The following ITPR2 variants were observed in gnomAD, a reference collection of about 807,000 sequenced individuals.
ITPR2 encodes inositol 1,4,5-trisphosphate receptor type 2.
Under a neutral mutation model 317.1 loss-of-function variants are expected in ITPR2, and 207 were observed. The observed-to-expected ratio is 0.65, with a 90% confidence interval of 0.58 to 0.73. ITPR2 has a LOEUF of 0.73. Among genes scored for constraint, ITPR2 ranks in the 30% least tolerant of loss-of-function variants. The probability of loss-of-function intolerance (pLI) is 0.00; values close to 1 mark genes in which losing one functional copy is unlikely to be tolerated. For synonymous variants in ITPR2, 1,156 were observed against 1,149.1 expected (o/e 1.01, Z -0.12); for missense variants, 2,613 against 3,284.0 (o/e 0.80, Z 4.99).
chr12:26,415,754 A>G (rs1161359862), intron 50 of ITPR2, among the ~76,000 whole-genome samples: 2 of 152,224 alleles, frequency 1.3e-5, no homozygotes, highest in Non-Finnish European at 2.9e-5. Flanking sequence ...CATAATATCA[A>G]TTTACTAAAA....
At chr12:26,483,527 C>T (rs1432240960) in intron 42 of ITPR2, among the ~76,000 whole-genome samples, 171 bp downstream of exon 42, 1 of 152,178 alleles carries the variant, frequency 6.6e-6, no homozygotes, top group Admixed American at 6.5e-5. Flanking sequence ...ATGAAATTAT[C>T]TACAAATACA....
At chr12:26,482,714 G>C (rs1403369145) in intron 42 of ITPR2, among the ~76,000 whole-genome samples, 1 of 152,140 alleles carries the variant, frequency 6.6e-6, no homozygotes, top group East Asian at 1.9e-4. Context: ...TGCCAAAACT[G>C]TCCTGTTTTC....
chr12:26,360,365 G>A (rs1383559515), intron 55 of ITPR2, among the ~76,000 whole-genome samples: 3 of 152,142 alleles, frequency 2.0e-5, no homozygotes, highest in Non-Finnish European at 4.4e-5. Context: ...TCCCGTCTTC[G>A]AGGTCCGCTG....
At chr12:26,579,627 T>C (rs1945350074) in intron 33 of ITPR2, among the ~76,000 whole-genome samples, 2 of 152,146 alleles carry the variant, frequency 1.3e-5, no homozygotes, top group South Asian at 2.1e-4. Context: ...GGATGTTTAA[T>C]TGATTAAATT....
rs1373707926 is a variant in ITPR2, at chr12:26,784,822, G to A, written c.163+5335C>T. Among the ~76,000 whole-genome samples the A allele has an allele frequency of 7.6e-5, 11 of 145,548 alleles. No homozygotes were observed. In the East Asian group the frequency reaches 2.3e-3, roughly 30 times the overall value. On this transcript the variant is annotated intron_variant, in intron 2 of 56. Transcript: ENST00000381340. ...CCCCCCATCGTCTGGGATACGGGGA[G>A]CCTCTCTGCCTGGCTGCCCAGTCTG...
intron 5 of ITPR2, chr12:26,721,163 TCACAG>T (rs1254159925): frequency 7.1e-6 from 3 of 423,316 alleles, no homozygotes; most frequent in African/African-American, 6.1e-5. Context: ...TGTATCATGC[TCACAG>T]CACACATCAC....
Position 26,451,659 on chromosome 12 carries a change from A to C in ITPR2, c.6343-8009T>G, listed in dbSNP as rs541924853. Among the ~76,000 whole-genome samples the C allele has an allele frequency of 4.1e-4, 62 of 152,320 alleles. No homozygotes were observed. The South Asian group carries it at 4.6e-3, about 11-fold the overall frequency. ...TAACAAGAAATTTGCCAGAATTAAA[A>C]AATGAAACAAACTTCTCCTAATTTC... is the stretch of plus-strand genomic sequence containing the variant. On this transcript the variant is annotated intron_variant, in intron 45 of 56. Transcript: ENST00000381340.
At chr12:26,366,560 G>A (rs763706045) in intron 55 of ITPR2, among the ~76,000 whole-genome samples, 5 of 152,054 alleles carry the variant, frequency 3.3e-5, no homozygotes, top group Admixed American at 1.3e-4. Flanking sequence ...ATTTCTTTTA[G>A]GATGGGAAGA....
chr12:26,619,155 A>G (rs1035827777), intron 26 of ITPR2, among the ~76,000 whole-genome samples: 3 of 152,240 alleles, frequency 2.0e-5, no homozygotes, highest in African/African-American at 7.2e-5. Context: ...AGATATTTAG[A>G]GATAGAGAAC....
At chr12:26,761,834 T>C (rs756255710) in intron 2 of ITPR2, among the ~76,000 whole-genome samples, 1 of 152,110 alleles carries the variant, frequency 6.6e-6, no homozygotes, top group Non-Finnish European at 1.5e-5. Flanking sequence ...AGATCTCAGA[T>C]TGACCACCAA....
chr12:26,453,748 T>C (rs572517450), intron 45 of ITPR2, among the ~76,000 whole-genome samples: 38 of 152,236 alleles, frequency 2.5e-4, no homozygotes, highest in Non-Finnish European at 8.8e-5. Context: ...ATGAATTTGC[T>C]GGATATTTCC....
intron 1 of ITPR2, among the ~76,000 whole-genome samples, chr12:26,802,344 C>T (rs1950569559): frequency 6.6e-6 from 1 of 151,710 alleles, no homozygotes; most frequent in Admixed American, 6.6e-5. Context: ...AGTATAGTAG[C>T]AGTGATAATA....
At chr12:26,429,148 T>A (rs1279734020) in intron 48 of ITPR2, among the ~76,000 whole-genome samples, 2 of 152,352 alleles carry the variant, frequency 1.3e-5, no homozygotes, top group Admixed American at 1.3e-4. Flanking sequence ...AAACTCTTAG[T>A]TCATAGTGTG....
At chr12:26,638,187 G>A (rs1464013024) in intron 21 of ITPR2, among the ~76,000 whole-genome samples, 1 of 152,168 alleles carries the variant, frequency 6.6e-6, no homozygotes, top group Admixed American at 6.5e-5. Flanking sequence ...TTTCATCACT[G>A]TCAAATATTG....
intron 54 of ITPR2, among the ~76,000 whole-genome samples, chr12:26,395,932 T>A (rs1185363118): frequency 6.6e-6 from 1 of 152,212 alleles, no homozygotes; most frequent in African/African-American, 2.4e-5. Flanking sequence ...ACATCATACA[T>A]AGTATTCATT....
chr12:26,539,805 C>A (rs566941503), intron 37 of ITPR2, among the ~76,000 whole-genome samples: 1 of 152,190 alleles, frequency 6.6e-6, no homozygotes, highest in African/African-American at 2.4e-5. Context: ...TACAAAGAAA[C>A]CTGCTGTTAC....
At chr12:26,594,560 A>G (rs7304728) in intron 32 of ITPR2, among the ~76,000 whole-genome samples, 109,696 of 151,878 alleles carry the variant, frequency 0.72, 41,147 homozygotes, top group Non-Finnish European at 0.83. Context: ...AGCTACTAGC[A>G]CTCAGGAATG....
intron 37 of ITPR2, among the ~76,000 whole-genome samples, chr12:26,504,217 T>C (rs1162652865): frequency 6.6e-6 from 1 of 152,174 alleles, no homozygotes; most frequent in Non-Finnish European, 1.5e-5. Flanking sequence ...AAGAAATGTA[T>C]TAAGTATATT....
At chr12:26,482,921 G>A (rs1223971086) in intron 42 of ITPR2, among the ~76,000 whole-genome samples, 5 of 152,186 alleles carry the variant, frequency 3.3e-5, no homozygotes, top group African/African-American at 1.2e-4. Context: ...ATCCAGAAAT[G>A]TTTATGACTT....
Sources: gnomAD v4.1 joint callset for allele counts (sites outside exome capture counted in the v4.1 genomes callset) on GRCh38, gnomAD v4.1.1 for gene constraint, MANE v1.5 for transcripts, NCBI Gene and HGNC (gene_info 2026-07-23, HGNC 2026-07-21) for gene names.